Variants in MYO3A observed in about 807,000 individuals in gnomAD.
The protein encoded by MYO3A is myosin IIIA, also known as myosin-IIIa.
MYO3A carries 180 observed loss-of-function variants against 192.7 expected under a neutral mutation model. The ratio of observed to expected loss-of-function variants is 0.93; its 90% CI spans 0.83 to 1.06. The LOEUF (loss-of-function observed/expected upper bound fraction) is 1.06. Ranked by LOEUF, MYO3A falls within the 50% of genes least tolerant of loss-of-function variation. The pLI, the probability that MYO3A is intolerant of heterozygous loss-of-function variation, is 0.00. For missense variants in MYO3A, 1,896 were observed against 1,905.0 expected (o/e 1.00, Z 0.09); for synonymous variants, 628 against 645.3 (o/e 0.97, Z 0.41).
intron 31 of MYO3A, among the ~76,000 whole-genome samples, chr10:26,181,023 A>G (rs1210212988): frequency 1.3e-5 from 2 of 152,136 alleles, no homozygotes; most frequent in Non-Finnish European, 2.9e-5. Flanking sequence ...AATTAAAATC[A>G]TATGTCCCCT....
chr10:26,192,981 G>C (rs1843223185), intron 31 of MYO3A, among the ~76,000 whole-genome samples: 1 of 151,880 alleles, frequency 6.6e-6, no homozygotes, highest in South Asian at 2.1e-4. Context: ...TCTTCCTCTT[G>C]TTTTCTTCCC....
At chr10:25,963,241 C>G (rs774421537) in intron 4 of MYO3A, among the ~76,000 whole-genome samples, 1 of 152,156 alleles carries the variant, frequency 6.6e-6, no homozygotes, top group Non-Finnish European at 1.5e-5. Flanking sequence ...CACGAAAATT[C>G]AGTAAATAGT....
intron 20 of MYO3A, among the ~76,000 whole-genome samples, chr10:26,137,667 G>T (rs1839929134): frequency 6.6e-6 from 1 of 152,194 alleles, no homozygotes; most frequent in Admixed American, 6.5e-5. Context: ...GCCTATAAAT[G>T]GACATGCAAG....
chr10:26,207,061 CT>C (rs1843994643), intron 34 of MYO3A, among the ~76,000 whole-genome samples: 2 of 149,522 alleles, frequency 1.3e-5, no homozygotes, highest in African/African-American at 4.9e-5. Flanking sequence ...GGGTTGTTTT[CT>C]GTTTGGGTTT....
intron 4 of MYO3A, among the ~76,000 whole-genome samples, chr10:25,977,215 G>A (rs79307150): frequency 0.054 from 8,201 of 152,142 alleles, 299 homozygotes; most frequent in Non-Finnish European, 0.073. Context: ...TCAACAGTCT[G>A]CTTAATAATT....
At chr10:26,149,824 G>T (rs1372014175) in intron 23 of MYO3A, among the ~76,000 whole-genome samples, 1 of 152,024 alleles carries the variant, frequency 6.6e-6, no homozygotes, top group Non-Finnish European at 1.5e-5. Context: ...ATCCTATCTA[G>T]CTGACATTTT....
intron 20 of MYO3A, among the ~76,000 whole-genome samples, chr10:26,139,145 AT>A (rs1209709581): frequency 1.3e-5 from 2 of 152,190 alleles, no homozygotes; most frequent in Non-Finnish European, 2.9e-5. Flanking sequence ...TATCTACTTT[AT>A]TTCCCCCAAA....
intron 14 of MYO3A, among the ~76,000 whole-genome samples, chr10:26,080,763 TC>T (rs1705511112): frequency 6.6e-6 from 1 of 152,172 alleles, no homozygotes; most frequent in Admixed American, 6.5e-5. Context: ...TGTAGTACTC[TC>T]CCTCTTTTCC....
chr10:26,084,500 T>G (rs1836179055), intron 14 of MYO3A, among the ~76,000 whole-genome samples: 1 of 152,092 alleles, frequency 6.6e-6, no homozygotes, highest in South Asian at 2.1e-4. Flanking sequence ...TTTTTAATTA[T>G]TTATTTATTT....
intron 31 of MYO3A, among the ~76,000 whole-genome samples, chr10:26,181,070 G>A (rs1193071319): frequency 6.6e-6 from 1 of 152,040 alleles, no homozygotes; most frequent in Non-Finnish European, 1.5e-5. Flanking sequence ...AAACAGAATA[G>A]CCCTAAAATT....
intron 14 of MYO3A, among the ~76,000 whole-genome samples, chr10:26,074,480 T>A (rs138173991): frequency 4.5e-4 from 69 of 151,662 alleles, no homozygotes; most frequent in African/African-American, 1.5e-3. Context: ...GGTCTACTTC[T>A]GATTTTCTGT....
intron 3 of MYO3A, among the ~76,000 whole-genome samples, chr10:25,954,054 C>T (rs1455791958): frequency 1.3e-5 from 2 of 152,054 alleles, no homozygotes; most frequent in African/African-American, 2.4e-5. Flanking sequence ...GTAGCAGGCT[C>T]GGAGTCTATA....
At chr10:26,102,031 C>T (rs1837485743) in intron 17 of MYO3A, among the ~76,000 whole-genome samples, 1 of 152,186 alleles carries the variant, frequency 6.6e-6, no homozygotes, top group East Asian at 1.9e-4. Flanking sequence ...CTTTCAGGTA[C>T]ACCAATCAGA....
chr10:26,126,768 G>A (rs574252956), intron 19 of MYO3A, among the ~76,000 whole-genome samples: 1 of 152,196 alleles, frequency 6.6e-6, no homozygotes, highest in Non-Finnish European at 1.5e-5. Flanking sequence ...CCAGAAGGGG[G>A]ATCTACTATA....
intron 14 of MYO3A, among the ~76,000 whole-genome samples, chr10:26,076,803 G>C (rs1455999460): frequency 6.6e-6 from 1 of 152,088 alleles, no homozygotes; most frequent in African/African-American, 2.4e-5. Flanking sequence ...TCAGTTGGCT[G>C]TAAGTATTTG....
At chr10:25,973,000 A>G (rs777684526) in intron 4 of MYO3A, among the ~76,000 whole-genome samples, 2 of 152,076 alleles carry the variant, frequency 1.3e-5, no homozygotes, top group African/African-American at 2.4e-5. Flanking sequence ...TAAAAATTCT[A>G]TTTGCTAATT....
chr10:26,030,096 G>T (rs1436693929), intron 10 of MYO3A, among the ~76,000 whole-genome samples: 1 of 152,026 alleles, frequency 6.6e-6, no homozygotes, highest in Non-Finnish European at 1.5e-5. Context: ...TTTTTCCCAG[G>T]CAAGGGACCC....
chr10:26,174,048 G>T lies in MYO3A; in HGVS notation c.3784G>T (p.Ala1262Ser), dbSNP rs1255601101. The T allele has an allele frequency of 6.2e-7, 1 of 1,613,908 alleles. No individual in the cohort carries two copies. The highest frequency in any genetic ancestry group is 8.5e-7 in the Non-Finnish European group (1 of 1,180,002). ...ESKAAYLERK[A>S]ISERPSYPVP... ...AAAAGCAGCATATCTAGAAAGGAAG[G>T]CCATATCAGAAAGGCCAAGCTACCC... is the stretch of plus-strand genomic sequence containing the variant. Residue 1262 changes from alanine (A) to serine (S), a missense_variant, in exon 30 of 35, where the codon GCC becomes TCC. By Grantham distance (99) the Ala-to-Ser change is moderately conservative (BLOSUM62 1). Coordinates refer to ENST00000642920, the MANE Select transcript of MYO3A (RefSeq NM_017433.5).
At chr10:26,035,932 G>C (rs72793941) in intron 10 of MYO3A, among the ~76,000 whole-genome samples, 25,246 of 151,748 alleles carry the variant, frequency 0.17, 2,364 homozygotes, top group Non-Finnish European at 0.21. Context: ...TTCATGTTTT[G>C]CCTAAGACTT....
Sources: gnomAD v4.1 joint callset for allele counts (sites outside exome capture counted in the v4.1 genomes callset) on GRCh38, gnomAD v4.1.1 for gene constraint, MANE v1.5 for transcripts, NCBI Gene and HGNC (gene_info 2026-07-23, HGNC 2026-07-21) for gene names.